Variants in TRHDE observed in about 807,000 individuals in gnomAD.
TRHDE encodes thyrotropin releasing hormone degrading enzyme.
A neutral mutation model predicts 125.7 loss-of-function variants in TRHDE; 72 were observed. That is an observed-to-expected ratio of 0.57 (90% confidence interval 0.47 to 0.70). The LOEUF (loss-of-function observed/expected upper bound fraction) is 0.70, where lower values mean the gene tolerates loss of function less well. Ranked by LOEUF, TRHDE falls within the 30% of genes least tolerant of loss-of-function variation. The pLI, the probability that TRHDE is intolerant of heterozygous loss-of-function variation, is 0.00. For synonymous variants in TRHDE, 509 were observed against 509.1 expected (o/e 1.00, Z 0.00); for missense variants, 1,110 against 1,327.1 (o/e 0.84, Z 2.54).
chr12:72,387,965 A>C (rs1390200275), intron 3 of TRHDE, among the ~76,000 whole-genome samples: 1 of 152,108 alleles, frequency 6.6e-6, no homozygotes, highest in Admixed American at 6.5e-5. Context: ...GTGAAAACAG[A>C]CTAATACAGT....
At chr12:72,491,532 G>A (rs1187672973) in intron 5 of TRHDE, among the ~76,000 whole-genome samples, 3 of 151,808 alleles carry the variant, frequency 2.0e-5, no homozygotes, top group South Asian at 4.2e-4. Context: ...TCCCTTAGCC[G>A]CATCACATCT....
At chr12:72,361,503 T>G (rs531329665) in intron 2 of TRHDE, among the ~76,000 whole-genome samples, 1 of 151,908 alleles carries the variant, frequency 6.6e-6, no homozygotes, top group African/African-American at 2.4e-5. Flanking sequence ...ATAAGAGTAA[T>G]GTTAGATTAT....
intron 2 of TRHDE, among the ~76,000 whole-genome samples, chr12:72,343,374 AT>A (rs1424728537): frequency 1.3e-5 from 2 of 152,242 alleles, no homozygotes; most frequent in East Asian, 3.9e-4. Context: ...CATCCTGTGA[AT>A]GCTATATTTT....
intron 2 of TRHDE, among the ~76,000 whole-genome samples, chr12:72,321,116 C>G (rs770971884): frequency 1.3e-5 from 2 of 152,072 alleles, no homozygotes; most frequent in African/African-American, 4.8e-5. Flanking sequence ...TGATTCTCAG[C>G]AATTTTATGT....
intron 4 of TRHDE, among the ~76,000 whole-genome samples, chr12:72,470,605 C>A (rs745574902): frequency 6.6e-6 from 1 of 152,036 alleles, no homozygotes; most frequent in South Asian, 2.1e-4. Context: ...GACGTCCATG[C>A]CAATAGAAAG....
At chr12:72,151,810 A>G (rs1876373561) in intron 2 of TRHDE, among the ~76,000 whole-genome samples, 1 of 152,182 alleles carries the variant, frequency 6.6e-6, no homozygotes, top group Non-Finnish European at 1.5e-5. Flanking sequence ...CTTGTAGTAT[A>G]GTTTGAAGTC....
At chr12:72,616,578 C>T (rs570599151) in intron 12 of TRHDE, among the ~76,000 whole-genome samples, 3 of 151,988 alleles carry the variant, frequency 2.0e-5, no homozygotes, top group Admixed American at 6.6e-5. Flanking sequence ...AGGCAAATTC[C>T]CTACAAAGTA....
chr12:72,101,454 T>G (rs540187282), intron 1 of TRHDE, among the ~76,000 whole-genome samples: 1 of 152,296 alleles, frequency 6.6e-6, no homozygotes, highest in South Asian at 2.1e-4. Context: ...GTGATTACAG[T>G]ATCAACTCTA....
At chr12:72,554,287 A>G in intron 7 of TRHDE, among the ~76,000 whole-genome samples, 1 of 152,078 alleles carries the variant, frequency 6.6e-6, no homozygotes, top group East Asian at 1.9e-4. Context: ...TGGATTCTTT[A>G]TGTGGCTGGT....
intron 12 of TRHDE, chr12:72,582,384 T>C: frequency 1.0e-6 from 1 of 985,420 alleles, no homozygotes; most frequent in South Asian, 4.7e-5. Flanking sequence ...AACAGCATTG[T>C]TAAAATAACC....
At chr12:72,632,689 C>A (rs1306279517) in intron 15 of TRHDE, among the ~76,000 whole-genome samples, 1 of 150,540 alleles carries the variant, frequency 6.6e-6, no homozygotes, top group African/African-American at 2.4e-5. Context: ...TCTTAAATAC[C>A]CAGCATTTAG....
chr12:72,624,353 C>G (rs1175988172), intron 15 of TRHDE, among the ~76,000 whole-genome samples: 1 of 151,518 alleles, frequency 6.6e-6, no homozygotes, highest in African/African-American at 2.4e-5. Flanking sequence ...CAAAAGTCAT[C>G]TAAGAAAAGA....
At chr12:72,561,226 C>G (rs1355324247) in intron 7 of TRHDE, among the ~76,000 whole-genome samples, 1 of 150,914 alleles carries the variant, frequency 6.6e-6, no homozygotes, top group African/African-American at 2.5e-5. Flanking sequence ...TTGCTTCCCC[C>G]AAGTTTAATT....
In TRHDE at chr12:72,483,758, G is replaced by T. The variant is rs150184931; in HGVS notation, c.1584+10578G>T. The stretch of plus-strand genomic sequence containing the variant: ...TCAAAATTTTCAAATTTCAAAAAAT[G>T]CTTTTTAGTTTCATTGGAAATATAA... On this transcript the variant is annotated intron_variant, in intron 5 of 18. Coordinates refer to ENST00000261180, the MANE Select transcript of TRHDE (RefSeq NM_013381.3). Among the ~76,000 whole-genome samples, 54 of 151,936 alleles carry T rather than the reference G, an allele frequency of 3.6e-4. No homozygotes were observed. The East Asian group carries it at 6.9e-3, about 20-fold the overall frequency.
chr12:72,213,331 T>C (rs1426674158), intron 2 of TRHDE, among the ~76,000 whole-genome samples: 3 of 152,068 alleles, frequency 2.0e-5, no homozygotes, highest in Admixed American at 6.6e-5. Flanking sequence ...ATTAAATGGG[T>C]AAATTATACT....
chr12:72,570,578 CAAAAAAAAA>C (rs572094533), intron 10 of TRHDE, among the ~76,000 whole-genome samples: 21,280 of 58,092 alleles, frequency 0.37, 2,407 homozygotes, highest in East Asian at 0.59. Context: ...GAGACTGTCT[CAAAAAAAAA>C]AAAAAAAAAA....
chr12:72,430,876 C>G (rs1368577859), intron 3 of TRHDE, among the ~76,000 whole-genome samples: 1 of 151,966 alleles, frequency 6.6e-6, no homozygotes, highest in Non-Finnish European at 1.5e-5. Context: ...TATTTTGATC[C>G]ATAAACATAG....
chr12:72,562,235 A>C lies in TRHDE; in HGVS notation c.1854+5A>C. On this transcript the variant is annotated splice_donor_5th_base_variant and intron_variant, in intron 8 of 18. Coordinates refer to ENST00000261180, the MANE Select transcript of TRHDE (RefSeq NM_013381.3). ...CTCTGGAATACATTATCGGAGGTAAAGTATAGGAAGCTTAAATATCAAAAC... is the reference window on the plus strand; with the variant it reads ...CTCTGGAATACATTATCGGAGGTAACGTATAGGAAGCTTAAATATCAAAAC... 8.6e-6 allele frequency: 13 copies of C among 1,511,246 alleles called. No homozygotes were observed. Among genetic ancestry groups the C allele is most frequent in the Non-Finnish European group, 1.2e-5 (13 of 1,096,016 alleles). 93.6% of individuals were successfully genotyped at this position (1,511,246 alleles called of 1,614,324 possible).
rs931381535 is a variant in TRHDE, at chr12:72,590,245, C to T, written c.2321+14703C>T. Among the ~76,000 whole-genome samples, 4 of 151,890 alleles carry T rather than the reference C, an allele frequency of 2.6e-5. No individual in the cohort carries two copies. The East Asian group carries it at 7.7e-4, about 29-fold the overall frequency. On this transcript the variant is annotated intron_variant, in intron 12 of 18. Transcript: ENST00000261180. ...AGAACATACTCTATATGATTTCAAA[C>T]TTTATATTTTCAGTCTTGTTTTATG...
Sources: gnomAD v4.1 joint callset for allele counts (sites outside exome capture counted in the v4.1 genomes callset) on GRCh38, gnomAD v4.1.1 for gene constraint, MANE v1.5 for transcripts, NCBI Gene and HGNC (gene_info 2026-07-23, HGNC 2026-07-21) for gene names.